Variants in FBXL12 observed in about 807,000 individuals in gnomAD.
FBXL12 encodes F-box and leucine rich repeat protein 12, also known as F-box/LRR-repeat protein 12.
In FBXL12, 22 loss-of-function variants were observed where a neutral mutation model predicts 24.9. The ratio of observed to expected loss-of-function variants is 0.88; its 90% CI spans 0.63 to 1.26. FBXL12 has a LOEUF of 1.26. Ranked by LOEUF, FBXL12 falls within the 50% of genes most tolerant of loss-of-function variation. The probability of loss-of-function intolerance (pLI) is 0.00; values close to 1 mark genes in which losing one functional copy is unlikely to be tolerated. For synonymous variants in FBXL12, 193 were observed against 193.8 expected, an observed-to-expected ratio of 1.00 and a Z score of 0.03; for missense variants, 384 against 434.1, an observed-to-expected ratio of 0.88 and a Z score of 1.03.
At chr19:9,817,286 C>CA (rs983589850) in intron 2 of FBXL12, among the ~76,000 whole-genome samples, 1 of 151,936 alleles carries the variant, frequency 6.6e-6, no homozygotes, top group Admixed American at 6.6e-5. Context: ...AGATCCATCT[C>CA]AAAAAAATAA....
At chr19:9,815,258 G>T (rs2045854946) in intron 2 of FBXL12, among the ~76,000 whole-genome samples, 1 of 152,208 alleles carries the variant, frequency 6.6e-6, no homozygotes, top group African/African-American at 2.4e-5. Context: ...TATCTCCTTT[G>T]ATTCCAGGTC....
At chr19:9,816,857 T>C (rs563737882) in intron 2 of FBXL12, among the ~76,000 whole-genome samples, 2 of 152,086 alleles carry the variant, frequency 1.3e-5, no homozygotes, top group East Asian at 3.9e-4. Context: ...GAAAAAGAGG[T>C]TTAATTGAAC....
chr19:9,817,066 G>A (rs1395253312), intron 2 of FBXL12, among the ~76,000 whole-genome samples: 24 of 152,106 alleles, frequency 1.6e-4, no homozygotes, highest in Admixed American at 1.5e-3. Flanking sequence ...TACTTTCCCC[G>A]GGTCCCTCCC....
At chr19:9,813,145 A>C (rs2045797760) in intron 2 of FBXL12, 6 of 831,754 alleles carry the variant, frequency 7.2e-6, no homozygotes, top group Non-Finnish European at 9.6e-6. Flanking sequence ...GACTTAGTAG[A>C]AAATAAAAAA....
chr19:9,818,727 C>A lies in FBXL12; in HGVS notation c.86+1G>T. The stretch of plus-strand genomic sequence containing the variant: ...CCTTCCCCCCGGAGGCGGGGCCGCA[C>A]CTGGAGATGCGGATCCGGTCCCGTA... On this transcript the variant is annotated splice_donor_variant, in intron 1 of 2. Transcript: ENST00000247977. LOFTEE classifies it high-confidence loss of function. The A allele has an allele frequency of 1.3e-6, 2 of 1,545,220 alleles. No homozygotes were observed. Among genetic ancestry groups the A allele is most frequent in the Non-Finnish European group, 1.8e-6 (2 of 1,141,748 alleles).
Position 9,811,787 on chromosome 19 carries a change from GAC to G in FBXL12, c.160-72_160-71del. 2 of 1,331,338 alleles carry G rather than the reference GAC, an allele frequency of 1.5e-6. No homozygotes were observed. Among genetic ancestry groups the G allele is most frequent in the Non-Finnish European group, 2.0e-6 (2 of 996,438 alleles). The allele number at this position is 1,331,338 out of a possible 1,614,324, so 82.5% of individuals were successfully genotyped here. A position where few individuals can be genotyped will look rare whatever the true frequency, so the allele number is the denominator to read the frequency against. On this transcript the variant is annotated intron_variant, in intron 2 of 2. Transcript: ENST00000247977. This position sits in a 1 kb window ranked among gnomAD's most constrained non-coding sequence, Gnocchi z 6.0. The stretch of plus-strand genomic sequence containing the variant: ...CTTCCAAGGCCCCTGCTGGGCTGGA[GAC>G]ACACAACCCCGGGGTGGGGGATTCT...
chr19:9,814,814 C>CCA (rs1443506515), intron 2 of FBXL12: 3 of 152,176 alleles, frequency 2.0e-5, no homozygotes, highest in African/African-American at 7.2e-5. Context: ...ATGGGAAAGA[C>CCA]CAGCCCCCAA....
chr19:9,818,450 C>T lies in FBXL12; in HGVS notation c.159+95G>A, dbSNP rs764932449. On this transcript the variant is annotated intron_variant, in intron 2 of 2. Coordinates refer to ENST00000247977, the MANE Select transcript of FBXL12 (RefSeq NM_017703.3). ...ATCGCCTGGCTCTAAATCCCCAGCC[C>T]GGGCCCCGACACACAGTCCCAGGGT... 6 of 1,348,258 alleles carry T rather than the reference C, an allele frequency of 4.5e-6. No individual in the cohort carries two copies. The East Asian group carries it at 1.0e-4, about 23-fold the overall frequency. 83.5% of individuals were successfully genotyped at this position (1,348,258 alleles called of 1,614,324 possible).
At chr19:9,814,669 C>A (rs1353237729) in intron 2 of FBXL12, 1 of 147,656 alleles carries the variant, frequency 6.8e-6, no homozygotes, top group Admixed American at 6.8e-5. Context: ...TGCACTCCAG[C>A]CTGGCAACAG....
Position 9,811,523 on chromosome 19 carries a change from G to C in FBXL12, c.354C>G (p.Pro118=). ...CLHVADLSMV[P]ITSLPSTLRT... is the part of the protein sequence containing the mutation. Reference sequence around the variant, plus strand: ...TCAAGGTGCTGGGCAGGCTGGTGATGGGCACCATGCTCAGGTCGGCCACGT... The same window carrying C: ...TCAAGGTGCTGGGCAGGCTGGTGATCGGCACCATGCTCAGGTCGGCCACGT... The change falls in exon 3 of 3, where the codon CCC becomes CCG. Residue 118 remains proline, a synonymous_variant. Transcript: ENST00000247977. This position sits in a 1 kb window ranked among gnomAD's most constrained non-coding sequence, Gnocchi z 6.0. 1 of 1,613,116 alleles carries C rather than the reference G, an allele frequency of 6.2e-7. No homozygotes were observed. Among genetic ancestry groups the C allele is most frequent in the African/African-American group, 1.3e-5 (1 of 75,048 alleles).
In FBXL12 at chr19:9,810,828, G is replaced by C; in HGVS notation, c.*68C>G. 1 of 1,285,768 alleles carries C rather than the reference G, an allele frequency of 7.8e-7. No individual in the cohort carries two copies. Among genetic ancestry groups the C allele is most frequent in the Non-Finnish European group, 1.1e-6 (1 of 930,352 alleles). 79.6% of individuals were successfully genotyped at this position (1,285,768 alleles called of 1,614,324 possible). A position where few individuals can be genotyped will look rare whatever the true frequency, so the allele number is the denominator to read the frequency against. Reference sequence around the variant, plus strand: ...AAGTCTGATTATCTGCCCTCTTCAAGGTGCTGCTCAGAGGGTCTGGGGCTC... The same window carrying C: ...AAGTCTGATTATCTGCCCTCTTCAACGTGCTGCTCAGAGGGTCTGGGGCTC... On this transcript the variant is annotated 3_prime_UTR_variant, in exon 3 of 3. Transcript: ENST00000247977.
Position 9,818,775 on chromosome 19 carries a change from G to C in FBXL12, c.39C>G (p.Leu13=), listed in dbSNP as rs1469357930. The stretch of plus-strand genomic sequence containing the variant: ...GTACCGGGAGGTAAGAGAAGATCTC[G>C]AGCAGGACCGAGTCCGGCAGTTCGA... ...TLVELPDSVL[L]EIFSYLPVRD... is the part of the protein sequence containing the mutation. Residue 13 remains leucine (L), a synonymous_variant, in exon 1 of 3, where the codon CTC becomes CTG. Coordinates refer to ENST00000247977, the MANE Select transcript of FBXL12 (RefSeq NM_017703.3). 3.2e-6 allele frequency: 5 copies of C among 1,556,032 alleles called. No individual in the cohort carries two copies. The highest frequency in any genetic ancestry group is 2.4e-5 in the East Asian group (1 of 42,102).
chr19:9,812,099 G>A (rs988346436), intron 2 of FBXL12, among the ~76,000 whole-genome samples: 2 of 152,074 alleles, frequency 1.3e-5, no homozygotes, highest in African/African-American at 4.8e-5. Flanking sequence ...GCTAATTTTT[G>A]TGATTTTTAG....
rs973637574 is a variant in FBXL12, at chr19:9,811,397, G to A, written c.480C>T (p.Arg160=). 5 of 1,613,016 alleles carry A rather than the reference G, an allele frequency of 3.1e-6. No homozygotes were observed. The highest frequency in any genetic ancestry group is 1.6e-4 in the Middle Eastern group (1 of 6,062). The change falls in exon 3 of 3, where the codon CGC becomes CGT. Residue 160 remains arginine, a synonymous_variant. Transcript: ENST00000247977. This position sits in a 1 kb window ranked among gnomAD's most constrained non-coding sequence, Gnocchi z 6.0. ...GGTGCTCGTCACGGAAGGCGGGGAC[G>A]CGGTCCAGCACGATGCATTCAAGCA... is the stretch of plus-strand genomic sequence containing the variant. ...LPLLECIVLD[R]VPAFRDEHLQ... is the part of the protein sequence containing the mutation.
At chr19:9,815,939 G>A (rs1340618145) in intron 2 of FBXL12, among the ~76,000 whole-genome samples, 1 of 152,226 alleles carries the variant, frequency 6.6e-6, no homozygotes, top group East Asian at 1.9e-4. Flanking sequence ...GTGAGCCACT[G>A]TGCCTGGCCC....
Position 9,811,032 on chromosome 19 carries a change from G to A in FBXL12, c.845C>T (p.Pro282Leu), listed in dbSNP as rs138792854. Residue 282 changes from proline to leucine, a missense_variant, in exon 3 of 3, where the codon CCC becomes CTC. Pro to Leu is a moderately conservative substitution (Grantham distance 98). Transcript: ENST00000247977. The surrounding 1 kb of genome is among the most constrained non-coding windows in gnomAD (Gnocchi z 6.0). ...TEILSSCLTM[P>L]KLRVLELQGL... is the part of the protein sequence containing the mutation. ...CTGCAGCTCAAGGACTCTGAGCTTG[G>A]GCATAGTGAGGCAGGAGGAGAGGAT... 2.9e-4 allele frequency: 471 copies of A among 1,613,590 alleles called. No homozygotes were observed. In the African/African-American group the frequency reaches 5.7e-3, roughly 19 times the overall value.
rs533432686 is a variant in FBXL12, at chr19:9,811,405, G to C, written c.472C>G (p.Leu158Val). The change falls in exon 3 of 3, where the codon CTG becomes GTG. Residue 158 changes from leucine to valine, a missense_variant. By Grantham distance (32) the Leu-to-Val change is conservative. Coordinates refer to ENST00000247977, the MANE Select transcript of FBXL12 (RefSeq NM_017703.3). The surrounding 1 kb of genome is among the most constrained non-coding windows in gnomAD (Gnocchi z 6.0). ...TVLPLLECIVLDRVPAFRDEH... is the reference protein window; with the variant it reads ...TVLPLLECIVVDRVPAFRDEH... ...TCACGGAAGGCGGGGACGCGGTCCA[G>C]CACGATGCATTCAAGCAGGGGCAGC... 6.2e-7 allele frequency: 1 copy of C among 1,613,248 alleles called. No homozygotes were observed. Among genetic ancestry groups the C allele is most frequent in the South Asian group, 1.1e-5 (1 of 91,086 alleles).
intron 2 of FBXL12, among the ~76,000 whole-genome samples, chr19:9,815,748 G>A (rs1453271373): frequency 4.6e-5 from 7 of 151,336 alleles, no homozygotes; most frequent in East Asian, 1.9e-4. Context: ...TTTGCCTCCC[G>A]GGTTCAAGCG....
intron 2 of FBXL12, chr19:9,813,241 T>G (rs1284436821): frequency 1.7e-5 from 21 of 1,231,398 alleles, no homozygotes; most frequent in Non-Finnish European, 2.1e-5. Context: ...ATCTGCCTTT[T>G]ATTGCTGGAT....
Sources: gnomAD v4.1 joint callset for allele counts (sites outside exome capture counted in the v4.1 genomes callset) on GRCh38, gnomAD v4.1.1 for gene constraint, Gnocchi (gnomAD v3.1) non-coding constraint, MANE v1.5 for transcripts, NCBI Gene and HGNC (gene_info 2026-07-23, HGNC 2026-07-21) for gene names.